Variants in DPYD observed in about 807,000 individuals in gnomAD.
The protein encoded by DPYD is dihydropyrimidine dehydrogenase [NADP(+)].
Under a neutral mutation model 116.2 loss-of-function variants are expected in DPYD, and 109 were observed. That is an observed-to-expected ratio of 0.94 (90% CI 0.80 to 1.10). The LOEUF (loss-of-function observed/expected upper bound fraction) is 1.10, where lower values mean the gene tolerates loss of function less well. Ranked by LOEUF, DPYD falls within the 50% of genes least tolerant of loss-of-function variation. The pLI is 0.00. For missense variants in DPYD, 1,302 were observed against 1,254.5 expected (o/e 1.04, Z -0.57); for synonymous variants, 440 against 432.0 (o/e 1.02, Z -0.23).
chr1:97,093,333 C>T (rs541039299), intron 21 of DPYD, among the ~76,000 whole-genome samples: 1 of 152,138 alleles, frequency 6.6e-6, no homozygotes, highest in East Asian at 1.9e-4. Context: ...AATACATAGG[C>T]TTCTTCAAAA....
At chr1:97,250,984 C>G (rs1263505812) in intron 18 of DPYD, among the ~76,000 whole-genome samples, 1 of 152,066 alleles carries the variant, frequency 6.6e-6, no homozygotes, top group East Asian at 1.9e-4. Flanking sequence ...GCAAAATGTC[C>G]ATCTCAAAAG....
chr1:97,114,717 A>G (rs1424792093), intron 20 of DPYD, among the ~76,000 whole-genome samples: 2 of 152,176 alleles, frequency 1.3e-5, no homozygotes, highest in Non-Finnish European at 2.9e-5. Flanking sequence ...ATGGCAGCCA[A>G]TAGTCTGAGG....
rs1558014211 is a variant in DPYD, at chr1:97,305,348, GT to G, written c.2209del (p.Thr737LeufsTer5). 13 of 1,612,496 alleles carry G rather than the reference GT, an allele frequency of 8.1e-6. No homozygotes were observed. Among genetic ancestry groups the G allele is most frequent in the Non-Finnish European group, 1.1e-5 (13 of 1,178,936 alleles). On this transcript the variant is annotated frameshift_variant, in exon 18 of 23. Coordinates refer to ENST00000370192, the MANE Select transcript of DPYD (RefSeq NM_000110.4). LOFTEE classifies it high-confidence loss of function. ...GGANGVTATNTVSGLMGLKSD... is the reference protein window; with the variant it reads ...GGANGVTATNXVSGLMGLKSD... The stretch of plus-strand genomic sequence containing the variant: ...TTTTAATCCCATCAGACCTGAGACA[GT>G]GTTGGTGGCTGTAACGCCATTGGCA...
chr1:97,815,108 AG>A (rs1668533676), intron 3 of DPYD, among the ~76,000 whole-genome samples: 1 of 150,456 alleles, frequency 6.6e-6, no homozygotes, highest in African/African-American at 2.4e-5. Context: ...AAGAGAAAAG[AG>A]AAGAGAAGAG....
chr1:97,673,890 G>A (rs768671366), intron 8 of DPYD, among the ~76,000 whole-genome samples: 55 of 152,236 alleles, frequency 3.6e-4, no homozygotes, highest in Middle Eastern at 6.8e-3. Context: ...CAAAACTTGA[G>A]GTTAAAAAAC....
At chr1:97,309,841 A>G (rs781211879) in intron 16 of DPYD, among the ~76,000 whole-genome samples, 1 of 151,786 alleles carries the variant, frequency 6.6e-6, no homozygotes, top group Non-Finnish European at 1.5e-5. Flanking sequence ...ATAATTTTTA[A>G]TTCTAGTAAC....
At chr1:97,316,236 T>A (rs1570497658) in intron 16 of DPYD, among the ~76,000 whole-genome samples, 1 of 151,584 alleles carries the variant, frequency 6.6e-6, no homozygotes, top group East Asian at 2.0e-4. Flanking sequence ...ATGCCTGTAA[T>A]CCCAGCACTT....
At chr1:97,898,199 C>T (rs1037880198) in intron 1 of DPYD, among the ~76,000 whole-genome samples, 4 of 147,968 alleles carry the variant, frequency 2.7e-5, no homozygotes, top group Non-Finnish European at 6.1e-5. Context: ...CTAGTTCCGT[C>T]GGACTGTTCT....
intron 5 of DPYD, chr1:97,719,645 C>CT: frequency 2.1e-6 from 2 of 944,158 alleles, no homozygotes; most frequent in Non-Finnish European, 2.5e-6. Context: ...TTCCTAATAA[C>CT]TTTGACAGTT....
At position 97,082,321 on chromosome 1, in the gene DPYD, G is replaced by C. The variant is rs375990495; in HGVS notation, c.2907+9C>G. 7.4e-5 allele frequency: 119 copies of C among 1,613,168 alleles called. No homozygotes were observed. Among genetic ancestry groups the C allele is most frequent in the Non-Finnish European group, 9.6e-5 (113 of 1,179,440 alleles). On this transcript the variant is annotated intron_variant, in intron 22 of 22. Transcript: ENST00000370192. ...TCTCATAGCATTCTAATTCCAGCAG[G>C]ATTCTTACCTGGTAGCCAGAATCAT...
At chr1:97,195,516 T>A (rs1658691929) in intron 19 of DPYD, among the ~76,000 whole-genome samples, 1 of 61,158 alleles carries the variant, frequency 1.6e-5, no homozygotes, top group East Asian at 6.4e-4. Context: ...GGGAATGGGA[T>A]AAGGAGAGAG....
intron 20 of DPYD, among the ~76,000 whole-genome samples, chr1:97,165,722 CA>C (rs1656273097): frequency 6.6e-6 from 1 of 151,930 alleles, no homozygotes; most frequent in Admixed American, 6.6e-5. Flanking sequence ...AAACAAATTA[CA>C]AGAAAGAAGT....
chr1:97,154,286 A>C (rs1655265473), intron 20 of DPYD, among the ~76,000 whole-genome samples: 1 of 152,218 alleles, frequency 6.6e-6, no homozygotes, highest in Non-Finnish European at 1.5e-5. Flanking sequence ...AAAACGTGGT[A>C]AATATACATC....
chr1:97,360,284 C>G (rs1368969333), intron 16 of DPYD, among the ~76,000 whole-genome samples: 1 of 152,138 alleles, frequency 6.6e-6, no homozygotes, highest in Non-Finnish European at 1.5e-5. Flanking sequence ...CAGGAGCACC[C>G]AGATTCATAA....
chr1:97,227,361 AGAAAG>A (rs1661250943), intron 19 of DPYD, among the ~76,000 whole-genome samples: 1 of 63,290 alleles, frequency 1.6e-5, no homozygotes, highest in Non-Finnish European at 2.5e-5. Context: ...AAAAAAAGAA[AGAAAG>A]AAAAAAGAAA....
In DPYD at chr1:97,793,777, G is replaced by A. The variant is rs552040088; in HGVS notation, c.233+34337C>T. Among the ~76,000 whole-genome samples the A allele has an allele frequency of 1.4e-4, 21 of 152,242 alleles. No homozygotes were observed. In the South Asian group the frequency reaches 4.4e-3, roughly 32 times the overall value. Reference sequence around the variant, plus strand: ...CTACACAACTTCTAGAGGAAAACATGGCAGAAAATATTTGCAACCCTAGGG... The same window carrying A: ...CTACACAACTTCTAGAGGAAAACATAGCAGAAAATATTTGCAACCCTAGGG... On this transcript the variant is annotated intron_variant, in intron 3 of 22. Transcript: ENST00000370192.
intron 3 of DPYD, among the ~76,000 whole-genome samples, chr1:97,757,748 T>G (rs986504862): frequency 3.3e-5 from 5 of 152,158 alleles, no homozygotes; most frequent in African/African-American, 1.2e-4. Flanking sequence ...ATAAAGTATT[T>G]ATGATGCAAG....
chr1:97,230,038 C>T (rs1661480116), intron 19 of DPYD, among the ~76,000 whole-genome samples: 1 of 152,114 alleles, frequency 6.6e-6, no homozygotes, highest in Admixed American at 6.5e-5. Context: ...TGTTACACAC[C>T]AAGCAGTCAA....
intron 3 of DPYD, among the ~76,000 whole-genome samples, chr1:97,758,010 T>C (rs1665347493): frequency 6.6e-6 from 1 of 152,194 alleles, no homozygotes; most frequent in Admixed American, 6.6e-5. Flanking sequence ...CTGCCCCTTT[T>C]TGATTATCTC....
Sources: gnomAD v4.1 joint callset for allele counts (sites outside exome capture counted in the v4.1 genomes callset) on GRCh38, gnomAD v4.1.1 for gene constraint, MANE v1.5 for transcripts, NCBI Gene and HGNC (gene_info 2026-07-23, HGNC 2026-07-21) for gene names.